Variants in ATRN observed in about 807,000 individuals in gnomAD.
ATRN encodes the protein attractin.
Under a neutral mutation model 178.7 loss-of-function variants are expected in ATRN, and 54 were observed. The observed-to-expected ratio is 0.30, with a 90% confidence interval of 0.24 to 0.38. ATRN has a LOEUF of 0.38. Among genes scored for constraint, ATRN ranks in the 10% least tolerant of loss-of-function variants. The probability of loss-of-function intolerance (pLI) is 1.00; values close to 1 mark genes in which losing one functional copy is unlikely to be tolerated. For missense variants in ATRN, 1,443 were observed against 1,815.1 expected (o/e 0.79, Z 3.73); for synonymous variants, 636 against 663.0 (o/e 0.96, Z 0.63).
rs2085079146 is a variant in ATRN, at chr20:3,508,559, A to C, written c.411-26694A>C. Among the ~76,000 whole-genome samples, 3 of 152,206 alleles carry C rather than the reference A, an allele frequency of 2.0e-5. 1 individual carries two copies. The South Asian group carries it at 6.2e-4, about 31-fold the overall frequency. The stretch of plus-strand genomic sequence containing the variant: ...CCCTTCTATATCCAGTAGAAAATAT[A>C]CTTCAAAAATGAAGAACTAAAGATA... On this transcript the variant is annotated intron_variant, in intron 1 of 28. Coordinates refer to ENST00000262919, the MANE Select transcript of ATRN (RefSeq NM_139321.3).
chr20:3,571,764 A>T (rs893112105), intron 11 of ATRN, among the ~76,000 whole-genome samples: 1 of 152,056 alleles, frequency 6.6e-6, no homozygotes, highest in Admixed American at 6.6e-5. Context: ...TCTTTTTTTC[A>T]TAGCATATCA....
intron 1 of ATRN, chr20:3,490,176 G>T (rs1340828793): frequency 3.0e-5 from 45 of 1,506,158 alleles, no homozygotes; most frequent in Non-Finnish European, 6.5e-6. Context: ...TAGTCTCTGG[G>T]CTTGCTCTTC....
intron 1 of ATRN, among the ~76,000 whole-genome samples, chr20:3,503,131 G>T (rs964542478): frequency 2.6e-5 from 4 of 152,062 alleles, no homozygotes; most frequent in Non-Finnish European, 4.4e-5. Context: ...AAAGGCACTA[G>T]ATAAACAAAG....
chr20:3,489,578 A>G (rs981491654), intron 1 of ATRN: 149 of 1,481,356 alleles, frequency 1.0e-4, no homozygotes, highest in Non-Finnish European at 1.3e-4. Context: ...CTTATTCACA[A>G]CATTCCCACT....
chr20:3,592,628 A>G (rs2086465031), intron 19 of ATRN: 1 of 391,952 alleles, frequency 2.6e-6, no homozygotes, highest in East Asian at 1.6e-4. Context: ...GGAAATCTCT[A>G]CCTACTCCCC....
At chr20:3,507,210 G>T (rs1465126237) in intron 1 of ATRN, among the ~76,000 whole-genome samples, 1 of 151,824 alleles carries the variant, frequency 6.6e-6, no homozygotes, top group African/African-American at 2.4e-5. Flanking sequence ...TTCAAGATCA[G>T]CCTGGCCAAG....
chr20:3,604,351 T>C (rs2086651502), intron 24 of ATRN, 89 bp downstream of exon 24: 2 of 1,418,360 alleles, frequency 1.4e-6, no homozygotes, highest in East Asian at 2.3e-5. Context: ...TTGTGGTAAA[T>C]GAGATGTGCA....
intron 1 of ATRN, among the ~76,000 whole-genome samples, chr20:3,508,723 G>A (rs1281617294): frequency 6.6e-6 from 1 of 152,198 alleles, no homozygotes; most frequent in Non-Finnish European, 1.5e-5. Context: ...AGAATAAAGT[G>A]TGGGTAAACT....
chr20:3,547,360 G>T lies in ATRN; in HGVS notation c.814G>T (p.Glu272Ter). The change falls in exon 5 of 29, where the codon GAA becomes TAA. Residue 272 changes from glutamate (E) to a stop codon, truncating the protein, a stop_gained. Transcript: ENST00000262919. LOFTEE classifies it high-confidence loss of function. ...ISNSSDTVEC[E>*]CSENWKGEAC... ...TAATAGCAGCGATACTGTTGAATGT[G>T]AATGTTCTGAAAACTGGAAAGGTGA... 1 of 1,614,074 alleles carries T rather than the reference G, an allele frequency of 6.2e-7. No homozygotes were observed. Among genetic ancestry groups the T allele is most frequent in the Non-Finnish European group, 8.5e-7 (1 of 1,179,936 alleles).
intron 1 of ATRN, among the ~76,000 whole-genome samples, chr20:3,532,816 G>T (rs1297498427): frequency 6.6e-6 from 1 of 151,902 alleles, no homozygotes; most frequent in Non-Finnish European, 1.5e-5. Context: ...AGGCTGGAGT[G>T]CAGTGGCGCG....
At chr20:3,489,163 G>A (rs1441568523) in intron 1 of ATRN, among the ~76,000 whole-genome samples, 1 of 152,160 alleles carries the variant, frequency 6.6e-6, no homozygotes, top group Non-Finnish European at 1.5e-5. Context: ...GTTTCACCAT[G>A]TTGGCCAGGT....
In ATRN at chr20:3,561,263, C is replaced by G. The variant is rs150877273; in HGVS notation, c.1447+358C>G. On this transcript the variant is annotated intron_variant, in intron 8 of 28. Transcript: ENST00000262919. ...GCTTGAACCCGGGAGGTGGAGGTTG[C>G]AGTGAGCCAAGATTGCACCACTGCA... is the stretch of plus-strand genomic sequence containing the variant. Among the ~76,000 whole-genome samples the G allele has an allele frequency of 6.2e-3, 948 of 152,266 alleles. 8 individuals are homozygous for G. The highest frequency in any genetic ancestry group is 0.021 in the African/African-American group (889 of 41,560).
intron 1 of ATRN, among the ~76,000 whole-genome samples, chr20:3,506,434 G>A (rs538370034): frequency 3.3e-5 from 5 of 152,198 alleles, no homozygotes; most frequent in Admixed American, 3.3e-4. Context: ...GACCAGCCTG[G>A]CCAACATGGT....
At chr20:3,629,434 G>T in intron 25 of ATRN, 1 of 471,408 alleles carries the variant, frequency 2.1e-6, no homozygotes, top group South Asian at 9.1e-5. Flanking sequence ...CCATTTTCTG[G>T]AACACTCTTC....
chr20:3,551,971 G>A (rs2085793738), intron 6 of ATRN, among the ~76,000 whole-genome samples: 1 of 152,176 alleles, frequency 6.6e-6, no homozygotes, highest in African/African-American at 2.4e-5. Context: ...TATGGCTAGT[G>A]TGACTTAGGA....
rs199917907 is a variant in ATRN at position 3,644,281 on chromosome 20, G to C, written c.4165+13G>C. ...CCTGGGCAGTCAGGTGAGTAGATGC[G>C]GTCCAGCGAAAGACACCTTCTAAGC... On this transcript the variant is annotated intron_variant, in intron 28 of 28. Coordinates refer to ENST00000262919, the MANE Select transcript of ATRN (RefSeq NM_139321.3). The C allele has an allele frequency of 1.3e-6, 2 of 1,588,806 alleles. No individual in the cohort carries two copies. The highest frequency in any genetic ancestry group is 1.3e-5 in the African/African-American group (1 of 74,312).
In ATRN at chr20:3,471,042, C is replaced by T; in HGVS notation, c.-66C>T. The T allele has an allele frequency of 7.0e-7, 1 of 1,426,904 alleles. No homozygotes were observed. Among genetic ancestry groups the T allele is most frequent in the Middle Eastern group, 2.5e-4 (1 of 4,032 alleles). 88.4% of individuals were successfully genotyped at this position (1,426,904 alleles called of 1,614,324 possible). On this transcript the variant is annotated 5_prime_UTR_variant, in exon 1 of 29. Transcript: ENST00000262919. ...CACAGCCCCGCCCCGCACGGCCAGG[C>T]GAAGCGGAGCCGGCCGTGCGGTGTG...
intron 1 of ATRN, among the ~76,000 whole-genome samples, chr20:3,532,399 C>T (rs2085466469): frequency 6.6e-6 from 1 of 152,132 alleles, no homozygotes; most frequent in African/African-American, 2.4e-5. Context: ...TACTGTTTTT[C>T]AGGGACTTTG....
chr20:3,635,636 G>C (rs1465904337), intron 26 of ATRN, among the ~76,000 whole-genome samples: 1 of 152,026 alleles, frequency 6.6e-6, no homozygotes, highest in African/African-American at 2.4e-5. Context: ...TAGAACAGAA[G>C]GGAAGTATGT....
Sources: gnomAD v4.1 joint callset for allele counts (sites outside exome capture counted in the v4.1 genomes callset) on GRCh38, gnomAD v4.1.1 for gene constraint, MANE v1.5 for transcripts, NCBI Gene and HGNC (gene_info 2026-07-23, HGNC 2026-07-21) for gene names.